The following NIM1K variants were observed in gnomAD, a reference collection of about 807,000 sequenced individuals.
The protein encoded by NIM1K is serine/threonine-protein kinase NIM1.
Under a neutral mutation model 37.1 loss-of-function variants are expected in NIM1K, and 35 were observed. The observed-to-expected ratio is 0.94, with a 90% CI of 0.72 to 1.25. The LOEUF is 1.25. Ranked by LOEUF, NIM1K falls within the 50% of genes most tolerant of loss-of-function variation. The pLI, the probability that NIM1K is intolerant of heterozygous loss-of-function variation, is 0.00. For synonymous variants in NIM1K, 234 were observed against 206.6 expected, an observed-to-expected ratio of 1.13 and a Z score of -1.14; for missense variants, 564 against 548.0, an observed-to-expected ratio of 1.03 and a Z score of -0.29.
intron 1 of NIM1K, among the ~76,000 whole-genome samples, chr5:43,236,341 G>A (rs952022634): frequency 2.6e-5 from 4 of 151,898 alleles, no homozygotes; most frequent in African/African-American, 9.7e-5. Context: ...CGCCAGACTT[G>A]GTGGGTGGAT....
At chr5:43,200,558 C>T (rs1358438034) in intron 1 of NIM1K, among the ~76,000 whole-genome samples, 1 of 152,124 alleles carries the variant, frequency 6.6e-6, no homozygotes, top group Non-Finnish European at 1.5e-5. Flanking sequence ...CCTCAGCCTC[C>T]CAAAGTGATG....
intron 2 of NIM1K, among the ~76,000 whole-genome samples, chr5:43,267,059 G>A (rs1312705865): frequency 1.3e-5 from 2 of 152,128 alleles, no homozygotes; most frequent in East Asian, 3.8e-4. Flanking sequence ...GTAGAATTCA[G>A]CTATGAATCC....
chr5:43,225,404 T>G (rs998799089), intron 1 of NIM1K: 1 of 152,184 alleles, frequency 6.6e-6, no homozygotes, highest in African/African-American at 2.4e-5. Flanking sequence ...TCTTTTTTTT[T>G]AAGTTGAACA....
intron 1 of NIM1K, among the ~76,000 whole-genome samples, chr5:43,234,850 G>A (rs932489202): frequency 3.3e-5 from 5 of 151,922 alleles, no homozygotes; most frequent in African/African-American, 1.2e-4. Context: ...GGCCAGGCTG[G>A]TCTCAAACTC....
chr5:43,273,588 T>A (rs1753291701), intron 2 of NIM1K, among the ~76,000 whole-genome samples: 2 of 152,210 alleles, frequency 1.3e-5, no homozygotes, highest in Non-Finnish European at 2.9e-5. Flanking sequence ...TGCCCTATAG[T>A]TAAAGCCTGC....
At chr5:43,233,293 C>T in intron 1 of NIM1K, 1 of 452,080 alleles carries the variant, frequency 2.2e-6, no homozygotes, top group South Asian at 4.4e-5. Flanking sequence ...TTTCCTTCTT[C>T]TAAGGCAAGA....
chr5:43,237,233 T>C (rs970995062), intron 1 of NIM1K, among the ~76,000 whole-genome samples: 1 of 152,192 alleles, frequency 6.6e-6, no homozygotes, highest in African/African-American at 2.4e-5. Flanking sequence ...AGAACAAAGG[T>C]GAGATGGTTT....
chr5:43,269,897 T>C (rs1044967752), intron 2 of NIM1K, among the ~76,000 whole-genome samples: 1 of 152,164 alleles, frequency 6.6e-6, no homozygotes, highest in African/African-American at 2.4e-5. Context: ...GGATTACAGG[T>C]GTGAGCCACC....
intron 2 of NIM1K, among the ~76,000 whole-genome samples, chr5:43,261,824 A>T (rs369666110): frequency 6.6e-6 from 1 of 152,226 alleles, no homozygotes; most frequent in Non-Finnish European, 1.5e-5. Flanking sequence ...CACTTTCTAC[A>T]TATGGCCAGC....
intron 1 of NIM1K, among the ~76,000 whole-genome samples, chr5:43,213,762 C>T (rs929614809): frequency 2.0e-5 from 3 of 152,092 alleles, no homozygotes; most frequent in African/African-American, 7.2e-5. Flanking sequence ...TCCCAAAGTG[C>T]TGGGATTACA....
At chr5:43,247,661 G>A (rs968942595) in intron 2 of NIM1K, among the ~76,000 whole-genome samples, 6 of 152,202 alleles carry the variant, frequency 3.9e-5, no homozygotes, top group Admixed American at 2.6e-4. Flanking sequence ...AACTCTCCAG[G>A]TGATTCTAAC....
chr5:43,274,110 G>A (rs1753301711), intron 2 of NIM1K, among the ~76,000 whole-genome samples: 1 of 152,160 alleles, frequency 6.6e-6, no homozygotes, highest in Non-Finnish European at 1.5e-5. Flanking sequence ...TGCACATGAG[G>A]TGAGGCCATT....
chr5:43,197,405 A>T (rs1380098149), intron 1 of NIM1K, among the ~76,000 whole-genome samples: 5 of 152,136 alleles, frequency 3.3e-5, no homozygotes, highest in Non-Finnish European at 5.9e-5. Flanking sequence ...TTGGCCTCCC[A>T]AAGTGCTGGG....
chr5:43,209,941 C>T (rs911902382), intron 1 of NIM1K, among the ~76,000 whole-genome samples: 4 of 152,134 alleles, frequency 2.6e-5, no homozygotes, highest in African/African-American at 9.7e-5. Context: ...AACATCTGAA[C>T]AATTCAAATC....
chr5:43,228,435 C>T (rs1007039174), intron 1 of NIM1K, among the ~76,000 whole-genome samples: 6 of 151,928 alleles, frequency 3.9e-5, no homozygotes, highest in African/African-American at 9.7e-5. Flanking sequence ...CCTGAGCCAC[C>T]GCACCCGGCC....
At chr5:43,203,575 C>T (rs1752065050) in intron 1 of NIM1K, among the ~76,000 whole-genome samples, 1 of 152,162 alleles carries the variant, frequency 6.6e-6, no homozygotes, top group African/African-American at 2.4e-5. Context: ...TGGGAGGCTG[C>T]CCAATTCATG....
At chr5:43,250,296 T>C (rs1752849957) in intron 2 of NIM1K, among the ~76,000 whole-genome samples, 1 of 152,230 alleles carries the variant, frequency 6.6e-6, no homozygotes, top group Non-Finnish European at 1.5e-5. Flanking sequence ...TATACTCTCA[T>C]CTTTTAAAGA....
At position 43,280,803 on chromosome 5, in the gene NIM1K, T is replaced by A; in HGVS notation, c.*74T>A. 1 of 1,349,074 alleles carries A rather than the reference T, an allele frequency of 7.4e-7. No homozygotes were observed. Among genetic ancestry groups the A allele is most frequent in the Non-Finnish European group, 1.0e-6 (1 of 1,003,076 alleles). The allele number at this position is 1,349,074 out of a possible 1,614,324, so 83.6% of individuals were successfully genotyped here. A position where few individuals can be genotyped will look rare whatever the true frequency, so the allele number is the denominator to read the frequency against. ...AAATTTTTTTCAAGGACAACTTGAG[T>A]GGAGACATTTTTGTAATTTTTAAAT... On this transcript the variant is annotated 3_prime_UTR_variant, in exon 4 of 4. Transcript: ENST00000326035.
chr5:43,275,928 T>A (rs1753332626), intron 2 of NIM1K, among the ~76,000 whole-genome samples: 1 of 145,514 alleles, frequency 6.9e-6, no homozygotes, highest in South Asian at 2.2e-4. Context: ...TGAGACGGAG[T>A]CTTGCTTTCT....
Sources: gnomAD v4.1 joint callset for allele counts (sites outside exome capture counted in the v4.1 genomes callset) on GRCh38, gnomAD v4.1.1 for gene constraint, MANE v1.5 for transcripts, NCBI Gene and HGNC (gene_info 2026-07-23, HGNC 2026-07-21) for gene names.